ANKRD44: variants seen among roughly 807,000 people sequenced by gnomAD.
ANKRD44 encodes the protein ankyrin repeat domain 44.
Under a neutral mutation model 116.0 loss-of-function variants are expected in ANKRD44, and 35 were observed. The observed-to-expected ratio is 0.30, with a 90% CI of 0.23 to 0.40. ANKRD44 has a LOEUF of 0.40. Ranked by LOEUF, ANKRD44 falls within the 10% of genes least tolerant of loss-of-function variation. ANKRD44 has a pLI of 1.00. For synonymous variants in ANKRD44, 435 were observed against 461.8 expected (o/e 0.94, Z 0.74); for missense variants, 1,014 against 1,242.6 (o/e 0.82, Z 2.77).
chr2:197,240,575 ACCT>A (rs2082070474), intron 1 of ANKRD44, among the ~76,000 whole-genome samples: 1 of 150,216 alleles, frequency 6.7e-6, no homozygotes, highest in Admixed American at 6.6e-5. Context: ...CTTAAAGAAA[ACCT>A]CCACAAAATT....
intron 16 of ANKRD44, among the ~76,000 whole-genome samples, chr2:197,025,485 A>AT (rs1333423608): frequency 2.6e-5 from 4 of 152,200 alleles, no homozygotes; most frequent in Admixed American, 2.6e-4. Flanking sequence ...TCTTACATCC[A>AT]TTTTCACCTG....
At chr2:197,286,148 T>C (rs1355813113) in intron 1 of ANKRD44, among the ~76,000 whole-genome samples, 2 of 152,212 alleles carry the variant, frequency 1.3e-5, no homozygotes, top group African/African-American at 4.8e-5. Context: ...TTAAGGCATA[T>C]TACCCTTTCC....
At chr2:197,151,159 T>C (rs1033986721) in intron 2 of ANKRD44, among the ~76,000 whole-genome samples, 1 of 146,882 alleles carries the variant, frequency 6.8e-6, no homozygotes, top group Non-Finnish European at 1.5e-5. Context: ...AGACCAATGA[T>C]ACCCCTAAGG....
At chr2:197,202,216 C>T (rs2081107417) in intron 1 of ANKRD44, among the ~76,000 whole-genome samples, 1 of 152,104 alleles carries the variant, frequency 6.6e-6, no homozygotes, top group Non-Finnish European at 1.5e-5. Context: ...GAAACAAGGC[C>T]ATTGAAGGGA....
At chr2:197,035,774 C>T (rs1476819299) in intron 16 of ANKRD44, among the ~76,000 whole-genome samples, 1 of 149,566 alleles carries the variant, frequency 6.7e-6, no homozygotes, top group Non-Finnish European at 1.5e-5. Context: ...CAAGCTATGA[C>T]CTGGCCTCGG....
Position 197,053,613 on chromosome 2 carries a change from A to C in ANKRD44, c.1650+25090T>G, listed in dbSNP as rs2077152542. Among the ~76,000 whole-genome samples, 3 of 152,106 alleles carry C rather than the reference A, an allele frequency of 2.0e-5. No homozygotes were observed. In the South Asian group the frequency reaches 6.2e-4, roughly 32 times the overall value. On this transcript the variant is annotated intron_variant, in intron 16 of 27. Transcript: ENST00000282272. ...ATTCTCCTGCCTCAGCCTCCCGAGT[A>C]GCTGGGATTACAGGTGCCCACCACC...
At chr2:197,094,945 G>A (rs1182074213) in intron 10 of ANKRD44, among the ~76,000 whole-genome samples, 2 of 152,154 alleles carry the variant, frequency 1.3e-5, no homozygotes, top group Non-Finnish European at 2.9e-5. Flanking sequence ...GAATATTCTA[G>A]AATCTCAATA....
chr2:197,024,127 T>C (rs1470669357), intron 17 of ANKRD44, among the ~76,000 whole-genome samples: 1 of 152,192 alleles, frequency 6.6e-6, no homozygotes, highest in Non-Finnish European at 1.5e-5. Context: ...CTCTCTTGCC[T>C]GAACACCTCT....
At chr2:197,251,431 T>G (rs1314619241) in intron 1 of ANKRD44, among the ~76,000 whole-genome samples, 1 of 152,250 alleles carries the variant, frequency 6.6e-6, no homozygotes, top group East Asian at 1.9e-4. Context: ...CCACTGCTAA[T>G]GTGTTCTCCA....
intron 2 of ANKRD44, among the ~76,000 whole-genome samples, chr2:197,172,326 AG>A (rs2080259291): frequency 6.6e-6 from 1 of 152,048 alleles, no homozygotes; most frequent in African/African-American, 2.4e-5. Context: ...AATAGCTTGA[AG>A]AAAGTGGTTG....
chr2:197,078,942 C>T (rs2077732921), intron 15 of ANKRD44, 128 bp from the exon 16 acceptor site: 3 of 877,882 alleles, frequency 3.4e-6, no homozygotes, highest in South Asian at 3.5e-5. Flanking sequence ...AAAAATCCTA[C>T]AGCAATGAAG....
intron 1 of ANKRD44, among the ~76,000 whole-genome samples, chr2:197,221,453 T>G (rs755892127): frequency 3.3e-5 from 5 of 152,132 alleles, no homozygotes; most frequent in African/African-American, 4.8e-5. Context: ...AATTTTTTAT[T>G]TTTTTGAAGA....
intron 9 of ANKRD44, among the ~76,000 whole-genome samples, chr2:197,107,742 A>C (rs2078466313): frequency 6.6e-6 from 1 of 152,230 alleles, no homozygotes. Flanking sequence ...CCTGGAGGAC[A>C]GAGGGGCTCC....
At chr2:196,971,070 T>G (rs1332490619) in intron 21 of ANKRD44, among the ~76,000 whole-genome samples, 1 of 152,218 alleles carries the variant, frequency 6.6e-6, no homozygotes, top group East Asian at 1.9e-4. Flanking sequence ...TTTGCATATT[T>G]TTTTTGCATA....
At chr2:197,149,052 C>A (rs546543998) in intron 2 of ANKRD44, among the ~76,000 whole-genome samples, 6 of 152,172 alleles carry the variant, frequency 3.9e-5, no homozygotes, top group Admixed American at 1.3e-4. Flanking sequence ...TATTGATAAC[C>A]CTAGATGCAT....
At chr2:196,999,129 C>T in intron 23 of ANKRD44, 77 bp from the exon 24 acceptor site, 1 of 1,523,158 alleles carries the variant, frequency 6.6e-7, no homozygotes, top group Non-Finnish European at 8.9e-7. Context: ...GAAACATGCA[C>T]AAGGTGTTGT....
intron 1 of ANKRD44, among the ~76,000 whole-genome samples, chr2:197,232,159 G>A (rs1389293555): frequency 3.9e-5 from 6 of 152,164 alleles, no homozygotes; most frequent in African/African-American, 1.4e-4. Flanking sequence ...CTAAGAGGCT[G>A]GTAATGAAGC....
At chr2:197,261,515 C>CA (rs36155331) in intron 1 of ANKRD44, among the ~76,000 whole-genome samples, 7,119 of 122,746 alleles carry the variant, frequency 0.058, 230 homozygotes, top group Admixed American at 0.13. Context: ...TTTTGCCAAC[C>CA]AAAAAAAAAA....
chr2:197,199,630 G>A (rs568208736), intron 1 of ANKRD44, among the ~76,000 whole-genome samples: 1 of 152,192 alleles, frequency 6.6e-6, no homozygotes, highest in South Asian at 2.1e-4. Flanking sequence ...TTTGAGATGG[G>A]GGTCTTGCTA....
Sources: allele counts gnomAD v4.1 joint callset (sites outside exome capture counted in the v4.1 genomes callset), GRCh38; gene constraint gnomAD v4.1.1; transcripts MANE v1.5; gene names NCBI Gene and HGNC (gene_info 2026-07-23, HGNC 2026-07-21).